The following UNC13B variants were observed in gnomAD, a reference collection of about 807,000 sequenced individuals.
UNC13B encodes the protein protein unc-13 homolog B.
In UNC13B, 144 loss-of-function variants were observed where a neutral mutation model predicts 211.0. The observed-to-expected ratio is 0.68, with a 90% confidence interval of 0.60 to 0.78. UNC13B has a LOEUF of 0.78. Ranked by LOEUF, UNC13B falls within the 30% of genes least tolerant of loss-of-function variation. The pLI is 0.00. For synonymous variants in UNC13B, 709 were observed against 725.8 expected, an observed-to-expected ratio of 0.98 and a Z score of 0.37; for missense variants, 1,777 against 2,002.0, an observed-to-expected ratio of 0.89 and a Z score of 2.14.
intron 1 of UNC13B, among the ~76,000 whole-genome samples, chr9:35,217,542 C>A (rs1008341924): frequency 6.6e-6 from 1 of 152,020 alleles, no homozygotes; most frequent in Non-Finnish European, 1.5e-5. Context: ...GGGCGTGCCA[C>A]CACGTCCGGC....
intron 7 of UNC13B, among the ~76,000 whole-genome samples, chr9:35,281,437 A>G (rs1587533800): frequency 6.6e-6 from 1 of 151,802 alleles, no homozygotes. Flanking sequence ...AGAGAGAGGA[A>G]TGAAAGTCCC....
intron 7 of UNC13B, among the ~76,000 whole-genome samples, chr9:35,262,352 C>G (rs1472603378): frequency 6.6e-6 from 1 of 151,248 alleles, no homozygotes; most frequent in Non-Finnish European, 1.5e-5. Context: ...AGTCTTGCTC[C>G]ATCATCCAGG....
In UNC13B at chr9:35,320,176, T is replaced by A. The variant is rs553384228; in HGVS notation, c.9414+6187T>A. Among the ~76,000 whole-genome samples the A allele has an allele frequency of 7.9e-5, 12 of 152,346 alleles. No homozygotes were observed. The East Asian group carries it at 2.1e-3, about 27-fold the overall frequency. On this transcript the variant is annotated intron_variant, in intron 11 of 39. Coordinates refer to ENST00000635942, the MANE Select transcript of UNC13B (RefSeq NM_001371189.2). ...TAGGTTGATTTGATGTCTCTGCTATTGTGAATAATGCTGCGATGAATATAT... is the reference window on the plus strand; with the variant it reads ...TAGGTTGATTTGATGTCTCTGCTATAGTGAATAATGCTGCGATGAATATAT...
Position 35,405,328 on chromosome 9 carries a change from T to C in UNC13B, c.*1295T>C, listed in dbSNP as rs1587793780. 1 of 152,764 alleles carries C rather than the reference T, an allele frequency of 6.5e-6. No homozygotes were observed. Among genetic ancestry groups the C allele is most frequent in the Middle Eastern group, 3.4e-3 (1 of 294 alleles). 9.5% of individuals were successfully genotyped at this position (152,764 alleles called of 1,614,324 possible). On this transcript the variant is annotated 3_prime_UTR_variant, in exon 40 of 40. Transcript: ENST00000635942. Reference sequence around the variant, plus strand: ...ATAGGCTAGTCTGTAATAAATTATCTTATAGCAGCCTTTGGGGTTTGGTAA... The same window carrying C: ...ATAGGCTAGTCTGTAATAAATTATCCTATAGCAGCCTTTGGGGTTTGGTAA...
intron 21 of UNC13B, among the ~76,000 whole-genome samples, chr9:35,383,305 G>A (rs1397777861): frequency 3.3e-5 from 5 of 152,134 alleles, no homozygotes; most frequent in Admixed American, 2.0e-4. Flanking sequence ...GAGAAGTTGA[G>A]TCATTACTCA....
In UNC13B at chr9:35,181,591, C is replaced by T. The variant is rs554232624; in HGVS notation, c.22+19286C>T. 2.0e-5 allele frequency among the ~76,000 whole-genome samples: 3 copies of T among 152,272 alleles called. No individual in the cohort carries two copies. In the South Asian group the frequency reaches 6.2e-4, roughly 32 times the overall value. ...GTGGCTCATGCCTGTAATACCGGCA[C>T]TTTGGGAGGCCGGAGTGGGTGGACC... On this transcript the variant is annotated intron_variant, in intron 1 of 39. Transcript: ENST00000635942.
At chr9:35,253,624 A>G (rs1205866164) in intron 6 of UNC13B, among the ~76,000 whole-genome samples, 1 of 152,186 alleles carries the variant, frequency 6.6e-6, no homozygotes, top group Non-Finnish European at 1.5e-5. Flanking sequence ...CGTTTCCCAT[A>G]CACCTCGTGG....
At chr9:35,296,047 C>T (rs1041753760) in intron 8 of UNC13B, 117 bp downstream of exon 8, 27 of 867,778 alleles carry the variant, frequency 3.1e-5, no homozygotes, top group Middle Eastern at 2.8e-4. Context: ...GCAGTATCAC[C>T]GGCCAAACTA....
chr9:35,401,625 A>G (rs1180851740), intron 37 of UNC13B, among the ~76,000 whole-genome samples: 1 of 152,132 alleles, frequency 6.6e-6, no homozygotes, highest in Non-Finnish European at 1.5e-5. Flanking sequence ...TGCATTTTCT[A>G]CCCGTTGCTT....
At chr9:35,384,450 T>C in intron 22 of UNC13B, 136 bp downstream of exon 22, 2 of 1,436,070 alleles carry the variant, frequency 1.4e-6, no homozygotes, top group East Asian at 2.4e-5. Flanking sequence ...AAATGGCCAA[T>C]GCTACTGACA....
At chr9:35,291,051 T>G (rs952930208) in intron 7 of UNC13B, 2 of 1,550,062 alleles carry the variant, frequency 1.3e-6, no homozygotes, top group Non-Finnish European at 1.7e-6. Flanking sequence ...ATCTGCTGCT[T>G]CTTTGTGGTT....
At chr9:35,341,860 A>C in intron 11 of UNC13B, 2 of 912,950 alleles carry the variant, frequency 2.2e-6, no homozygotes, top group Non-Finnish European at 2.6e-6. Context: ...GAGGAGGAGC[A>C]GCAGCAGGAG....
intron 8 of UNC13B, among the ~76,000 whole-genome samples, chr9:35,296,922 T>C (rs1442248900): frequency 6.6e-6 from 1 of 152,172 alleles, no homozygotes; most frequent in Admixed American, 6.5e-5. Context: ...TTAGACCATA[T>C]TTAAATTTCT....
At chr9:35,212,226 C>G (rs1265179197) in intron 1 of UNC13B, among the ~76,000 whole-genome samples, 1 of 152,070 alleles carries the variant, frequency 6.6e-6, no homozygotes, top group African/African-American at 2.4e-5. Flanking sequence ...AATAAGTTGT[C>G]ACAAAAAGTA....
At chr9:35,321,611 A>G (rs1314814133) in intron 11 of UNC13B, among the ~76,000 whole-genome samples, 1 of 152,148 alleles carries the variant, frequency 6.6e-6, no homozygotes, top group African/African-American at 2.4e-5. Flanking sequence ...AAATAGATTA[A>G]ATTACTGAGT....
intron 1 of UNC13B, among the ~76,000 whole-genome samples, chr9:35,222,601 T>C (rs1824624334): frequency 6.6e-6 from 1 of 152,188 alleles, no homozygotes; most frequent in Non-Finnish European, 1.5e-5. Flanking sequence ...ACTGTACGTA[T>C]TTATGAGGTA....
chr9:35,184,216 A>C (rs1484292249), intron 1 of UNC13B, among the ~76,000 whole-genome samples: 1 of 150,196 alleles, frequency 6.7e-6, no homozygotes, highest in African/African-American at 2.5e-5. Flanking sequence ...GGCGCTCCTC[A>C]CTTCCCAGAC....
At chr9:35,280,514 C>A (rs1828423172) in intron 7 of UNC13B, among the ~76,000 whole-genome samples, 1 of 152,084 alleles carries the variant, frequency 6.6e-6, no homozygotes, top group Admixed American at 6.6e-5. Flanking sequence ...TAGTTATGGA[C>A]TCCTTAGAGT....
chr9:35,173,288 A>C (rs1220873452), intron 1 of UNC13B, among the ~76,000 whole-genome samples: 2 of 152,176 alleles, frequency 1.3e-5, no homozygotes, highest in African/African-American at 4.8e-5. Context: ...CTGCTTGCCA[A>C]GGAAAGGGGG....
Sources: allele counts gnomAD v4.1 joint callset (sites outside exome capture counted in the v4.1 genomes callset), GRCh38; gene constraint gnomAD v4.1.1; transcripts MANE v1.5; gene names NCBI Gene and HGNC (gene_info 2026-07-23, HGNC 2026-07-21).